Variants in ZAP70 observed in about 807,000 individuals in gnomAD.
ZAP70 encodes zeta chain of T cell receptor associated protein kinase 70.
A neutral mutation model predicts 65.8 loss-of-function variants in ZAP70; 27 were observed. The observed-to-expected ratio is 0.41, with a 90% confidence interval of 0.30 to 0.57. The LOEUF is 0.57. Among genes scored for constraint, ZAP70 ranks in the 20% least tolerant of loss-of-function variants. The pLI, the probability that ZAP70 is intolerant of heterozygous loss-of-function variation, is 0.28. For synonymous variants in ZAP70, 363 were observed against 360.8 expected (o/e 1.01, Z -0.07); for missense variants, 696 against 870.5 (o/e 0.80, Z 2.52).
chr2:97,722,789 T>C (rs1455129298), intron 2 of ZAP70, among the ~76,000 whole-genome samples: 1 of 152,266 alleles, frequency 6.6e-6, no homozygotes, highest in African/African-American at 2.4e-5. Context: ...TCTATCCTTT[T>C]ATCCATCCCT....
At position 97,724,947 on chromosome 2, in the gene ZAP70, G is replaced by T. The variant is rs1010971008; in HGVS notation, c.403-145G>T. 24 of 1,534,654 alleles carry T rather than the reference G, an allele frequency of 1.6e-5. No homozygotes were observed. The African/African-American group carries it at 3.0e-4, about 19-fold the overall frequency. ...GGGGAGGGGACCACGGAGATGGCGC[G>T]GAGGTAGTCCTCGAAAACCTGCCTA... On this transcript the variant is annotated intron_variant, in intron 3 of 13. Coordinates refer to ENST00000264972, the MANE Select transcript of ZAP70 (RefSeq NM_001079.4).
intron 4 of ZAP70, among the ~76,000 whole-genome samples, chr2:97,726,972 G>T (rs1236044693): frequency 6.6e-6 from 1 of 152,240 alleles, no homozygotes; most frequent in South Asian, 2.1e-4. Flanking sequence ...TCTAGGCTGG[G>T]CCTGAATAGG....
chr2:97,719,990 G>A lies in ZAP70; in HGVS notation c.-21-4026G>A, dbSNP rs143965037. Among the ~76,000 whole-genome samples, 8 of 152,250 alleles carry A rather than the reference G, an allele frequency of 5.3e-5. No individual in the cohort carries two copies. The East Asian group carries it at 5.8e-4, about 11-fold the overall frequency. ...ATCCAGCCTGAGGCCTTTGCGATGCGTTTGCGGAACTGCGTGTCTCCGTAT... is the reference window on the plus strand; with the variant it reads ...ATCCAGCCTGAGGCCTTTGCGATGCATTTGCGGAACTGCGTGTCTCCGTAT... On this transcript the variant is annotated intron_variant, in intron 2 of 13. Coordinates refer to ENST00000264972, the MANE Select transcript of ZAP70 (RefSeq NM_001079.4).
rs117582325 is a variant in ZAP70 at position 97,731,589 on chromosome 2, T to G, written c.564-1294T>G. 2.8e-3 allele frequency among the ~76,000 whole-genome samples: 423 copies of G among 152,256 alleles called. 9 individuals carry two copies. The East Asian group carries it at 0.035, about 13-fold the overall frequency. ...GCACTGTACTTCGGGGAACGTGCTG[T>G]CCAGGAATGGAGAGGATGGTCACAG... is the stretch of plus-strand genomic sequence containing the variant. On this transcript the variant is annotated intron_variant, in intron 4 of 13. Transcript: ENST00000264972. This position sits in a 1 kb window ranked among gnomAD's most constrained non-coding sequence, Gnocchi z 4.0.
intron 4 of ZAP70, 43 bp downstream of exon 4, chr2:97,725,295 C>G (rs201919659): frequency 6.2e-7 from 1 of 1,603,084 alleles, no homozygotes; most frequent in South Asian, 1.1e-5. Flanking sequence ...GATTGGGGCT[C>G]GTTGGCAGGG....
intron 4 of ZAP70, among the ~76,000 whole-genome samples, chr2:97,727,145 C>A (rs1677420375): frequency 6.6e-6 from 1 of 152,244 alleles, no homozygotes; most frequent in Admixed American, 6.5e-5. Flanking sequence ...AGGGCAAGTT[C>A]AAGCCTTTGT....
intron 2 of ZAP70, 96 bp from the exon 3 acceptor site, chr2:97,723,920 A>C: frequency 7.2e-7 from 1 of 1,395,204 alleles, no homozygotes; most frequent in East Asian, 2.5e-5. Flanking sequence ...TGCGGCACTG[A>C]TGCCCTCCAC....
At chr2:97,723,911 G>A in intron 2 of ZAP70, 105 bp from the exon 3 acceptor site, 1 of 1,328,500 alleles carries the variant, frequency 7.5e-7, no homozygotes, top group East Asian at 2.5e-5. Context: ...AGCTCAGTCT[G>A]CGGCACTGAT....
rs566698608 is a variant in ZAP70 at position 97,734,373 on chromosome 2, G to C, written c.890-147G>C. 138 of 1,441,230 alleles carry C rather than the reference G, an allele frequency of 9.6e-5. No homozygotes were observed. The African/African-American group carries it at 1.5e-3, about 16-fold the overall frequency. 89.3% of individuals were successfully genotyped at this position (1,441,230 alleles called of 1,614,324 possible). ...TGTATGCCAGTGTGTGCGTGTGGAT[G>C]TGCAGGAACACGCATGGGCACCCAC... On this transcript the variant is annotated intron_variant, in intron 8 of 13. Coordinates refer to ENST00000264972, the MANE Select transcript of ZAP70 (RefSeq NM_001079.4).
intron 3 of ZAP70, 29 bp downstream of exon 3, chr2:97,724,467 T>A (rs1210215872): frequency 1.3e-6 from 2 of 1,515,692 alleles, no homozygotes; most frequent in Non-Finnish European, 8.8e-7. Context: ...GCGCGGGGTC[T>A]GGAGGGGCGT....
At position 97,724,260 on chromosome 2, in the gene ZAP70, A is replaced by C. The variant is rs1677282323; in HGVS notation, c.224A>C (p.Lys75Thr). ...GGCACCTACGCCATTGCCGGCGGCA[A>C]AGCGCACTGTGGACCGGCAGAGCTC... Reference protein sequence around the residue: ...LNGTYAIAGGKAHCGPAELCE... With the variant: ...LNGTYAIAGGTAHCGPAELCE... Residue 75 changes from lysine (K) to threonine (T), a missense_variant, in exon 3 of 14, where the codon AAA becomes ACA. This residue lies in a region of ZAP70 where 551 missense variants were observed against 630.0 expected (regional missense o/e 0.87). Transcript: ENST00000264972. The C allele has an allele frequency of 3.1e-6, 5 of 1,605,234 alleles. No homozygotes were observed. The East Asian group carries it at 1.1e-4, about 36-fold the overall frequency.
At chr2:97,755,339 A>G in the ZAP70 span, among the ~76,000 whole-genome samples, 1 of 152,200 alleles carries the variant, frequency 6.6e-6, no homozygotes, top group African/African-American at 2.4e-5. Flanking sequence ...TGCACCTTAC[A>G]GGCTTGGCTA....
chr2:97,735,035 C>T (rs1046700308), intron 9 of ZAP70: 7 of 667,526 alleles, frequency 1.0e-5, no homozygotes, highest in South Asian at 1.9e-5. Context: ...TTCTTTTTGG[C>T]GATGGGCTGT....
At chr2:97,721,356 C>A (rs1474447868) in intron 2 of ZAP70, among the ~76,000 whole-genome samples, 2 of 152,210 alleles carry the variant, frequency 1.3e-5, no homozygotes, top group African/African-American at 4.8e-5. Flanking sequence ...ACTCGATACA[C>A]ATTTTCCCAC....
intron 4 of ZAP70, among the ~76,000 whole-genome samples, chr2:97,729,174 A>G (rs1677506735): frequency 6.6e-6 from 1 of 152,228 alleles, no homozygotes; most frequent in Non-Finnish European, 1.5e-5. Context: ...ATATGAGATC[A>G]TGGTTGGTCC....
Position 97,724,191 on chromosome 2 carries a change from A to C in ZAP70, c.155A>C (p.His52Pro), listed in dbSNP as rs1391918526. Residue 52 changes from histidine (H) to proline (P), a missense_variant, in exon 3 of 14, where the codon CAC becomes CCC. Transcript: ENST00000264972. ...GGCGGCTATGTGCTGTCGCTCGTGC[A>C]CGATGTGCGCTTCCACCACTTTCCC... ...SLGGYVLSLV[H>P]DVRFHHFPIE... The C allele has an allele frequency of 6.3e-7, 1 of 1,598,474 alleles. No homozygotes were observed. Among genetic ancestry groups the C allele is most frequent in the Admixed American group, 1.7e-5 (1 of 58,842 alleles).
At chr2:97,749,808 T>A in the ZAP70 span, among the ~76,000 whole-genome samples, 1 of 151,640 alleles carries the variant, frequency 6.6e-6, no homozygotes, top group Non-Finnish European at 1.5e-5. Context: ...GAGCCCAGGC[T>A]GGCGGTGGAC....
the ZAP70 span, among the ~76,000 whole-genome samples, chr2:97,746,263 A>G: frequency 6.6e-6 from 1 of 152,252 alleles, no homozygotes; most frequent in Non-Finnish European, 1.5e-5. Context: ...GTTGCACAAC[A>G]CTGTGAATGT....
the ZAP70 span, among the ~76,000 whole-genome samples, chr2:97,755,516 A>AAAG: frequency 6.6e-6 from 1 of 152,208 alleles, no homozygotes; most frequent in African/African-American, 2.4e-5. Flanking sequence ...GTAAACTGCT[A>AAAG]AAGCATTTTA....
Sources: allele counts gnomAD v4.1 joint callset (sites outside exome capture counted in the v4.1 genomes callset), GRCh38; gene constraint gnomAD v4.1.1; regional missense constraint gnomAD v4.1.1; non-coding constraint Gnocchi (gnomAD v3.1); transcripts MANE v1.5; gene names NCBI Gene and HGNC (gene_info 2026-07-23, HGNC 2026-07-21).